ADRA1A: variants seen among roughly 807,000 people sequenced by gnomAD.
ADRA1A encodes alpha-1A adrenergic receptor.
A neutral mutation model predicts 29.6 loss-of-function variants in ADRA1A; 31 were observed. That is an observed-to-expected ratio of 1.05 (90% CI 0.79 to 1.41). The LOEUF (loss-of-function observed/expected upper bound fraction) is 1.41, where lower values mean the gene tolerates loss of function less well. ADRA1A is among the 40% of genes most tolerant of loss of function. The pLI is 0.00. For missense variants in ADRA1A, 619 were observed against 601.1 expected, an observed-to-expected ratio of 1.03 and a Z score of -0.31; for synonymous variants, 311 against 254.3, an observed-to-expected ratio of 1.22 and a Z score of -2.12.
downstream of ADRA1A, among the ~76,000 whole-genome samples, chr8:26,763,631 G>GA (rs1041181964): frequency 6.6e-6 from 1 of 151,810 alleles, no homozygotes; most frequent in Non-Finnish European, 1.5e-5. This position sits in a 1 kb window ranked among gnomAD's most constrained non-coding sequence, Gnocchi z 4.5. Context: ...AATGGCATAT[G>GA]AAAAAAATAT....
intron 2 of ADRA1A, among the ~76,000 whole-genome samples, chr8:26,816,500 G>C (rs906044200): frequency 6.6e-6 from 1 of 151,788 alleles, no homozygotes; most frequent in African/African-American, 2.4e-5. Flanking sequence ...GCTGGGAGAA[G>C]GGCAAAAACA....
At chr8:26,797,975 CAGT>C (rs1226468448) in intron 2 of ADRA1A, among the ~76,000 whole-genome samples, 1 of 151,140 alleles carries the variant, frequency 6.6e-6, no homozygotes, top group African/African-American at 2.4e-5. Flanking sequence ...TCTGCATCGA[CAGT>C]AAGTTAGTCT....
chr8:26,847,085 G>A (rs1331602928), intron 2 of ADRA1A, among the ~76,000 whole-genome samples: 3 of 152,166 alleles, frequency 2.0e-5, no homozygotes, highest in African/African-American at 7.2e-5. Flanking sequence ...GGGGGGAACA[G>A]GGAGGGATAG....
intron 2 of ADRA1A, among the ~76,000 whole-genome samples, chr8:26,795,330 A>G (rs775604466): frequency 3.3e-5 from 5 of 152,198 alleles, no homozygotes; most frequent in African/African-American, 4.8e-5. Context: ...CGCTGCAAGG[A>G]TTAATAATGA....
At chr8:26,786,239 AAT>A (rs1491454865) in intron 2 of ADRA1A, among the ~76,000 whole-genome samples, 3 of 112,268 alleles carry the variant, frequency 2.7e-5, no homozygotes, top group African/African-American at 1.6e-4. Context: ...TTTATTTTTA[AAT>A]TTTTTTTTTT....
At chr8:26,812,633 AT>A (rs869174171) in intron 2 of ADRA1A, among the ~76,000 whole-genome samples, 2 of 32,992 alleles carry the variant, frequency 6.1e-5, no homozygotes, top group East Asian at 9.2e-4. Context: ...TTTTATTTTT[AT>A]TTATTTATTT....
At chr8:26,749,052 G>T (rs566798002) in intron 2 of ADRA1A, among the ~76,000 whole-genome samples, 2 of 152,298 alleles carry the variant, frequency 1.3e-5, no homozygotes, top group East Asian at 3.9e-4. Context: ...CACATAAATT[G>T]ACTCTGAAGG....
At chr8:26,832,323 T>C (rs1455321818) in intron 2 of ADRA1A, among the ~76,000 whole-genome samples, 1 of 151,854 alleles carries the variant, frequency 6.6e-6, no homozygotes, top group Non-Finnish European at 1.5e-5. Flanking sequence ...AAACCAGAAA[T>C]CCCCCTCTTA....
intron 2 of ADRA1A, among the ~76,000 whole-genome samples, chr8:26,833,338 T>C (rs1465452997): frequency 6.6e-6 from 1 of 152,176 alleles, no homozygotes; most frequent in Non-Finnish European, 1.5e-5. Flanking sequence ...CTGCCTTCTA[T>C]TTTTGAATGG....
intron 2 of ADRA1A, among the ~76,000 whole-genome samples, chr8:26,857,019 T>C (rs1179142844): frequency 6.6e-6 from 1 of 152,188 alleles, no homozygotes; most frequent in African/African-American, 2.4e-5. Flanking sequence ...TGCTCTCCCA[T>C]CAAGAGATGA....
intron 2 of ADRA1A, among the ~76,000 whole-genome samples, chr8:26,807,470 T>C (rs967375688): frequency 7.9e-5 from 12 of 152,170 alleles, no homozygotes; most frequent in Non-Finnish European, 1.3e-4. Flanking sequence ...TTATTTGGAG[T>C]AAATGTCATC....
intron 2 of ADRA1A, among the ~76,000 whole-genome samples, chr8:26,846,606 T>C (rs1808110154): frequency 6.6e-6 from 1 of 152,052 alleles, no homozygotes; most frequent in Non-Finnish European, 1.5e-5. Context: ...CTGTCTCTAC[T>C]AAAAACATAC....
At chr8:26,826,571 G>T (rs1157034006) in intron 2 of ADRA1A, among the ~76,000 whole-genome samples, 5 of 152,144 alleles carry the variant, frequency 3.3e-5, no homozygotes, top group Non-Finnish European at 5.9e-5. Flanking sequence ...TTTCCATGAG[G>T]CCTTAAAACT....
intron 2 of ADRA1A, among the ~76,000 whole-genome samples, chr8:26,845,257 C>T (rs1812115341): frequency 6.6e-6 from 1 of 151,892 alleles, no homozygotes; most frequent in South Asian, 2.1e-4. Context: ...GACAAATAAC[C>T]CAATTAAAAA....
intron 2 of ADRA1A, chr8:26,756,899 C>A: frequency 7.0e-7 from 1 of 1,435,498 alleles, no homozygotes. Context: ...TACTCCAAAC[C>A]CAATGTGTCC....
intron 2 of ADRA1A, among the ~76,000 whole-genome samples, chr8:26,861,229 C>T (rs1258987820): frequency 1.3e-5 from 2 of 151,966 alleles, no homozygotes; most frequent in Admixed American, 1.3e-4. Flanking sequence ...TTTTTCTTCT[C>T]CCTGGCTACT....
At chr8:26,762,612 A>C (rs1256220966), downstream of ADRA1A, among the ~76,000 whole-genome samples, 1 of 152,150 alleles carries the variant, frequency 6.6e-6, no homozygotes, top group Non-Finnish European at 1.5e-5. This position sits in a 1 kb window ranked among gnomAD's most constrained non-coding sequence, Gnocchi z 4.0. Flanking sequence ...TCAAGAAAGG[A>C]GATGGGAAAG....
At chr8:26,786,409 T>C (rs1391809013) in intron 2 of ADRA1A, among the ~76,000 whole-genome samples, 1 of 151,896 alleles carries the variant, frequency 6.6e-6, no homozygotes, top group Non-Finnish European at 1.5e-5. Flanking sequence ...TTAATTTTTG[T>C]ATTTTTAGTA....
chr8:26,814,197 A>C (rs1168923457), intron 2 of ADRA1A, among the ~76,000 whole-genome samples: 1 of 152,088 alleles, frequency 6.6e-6, no homozygotes, highest in Non-Finnish European at 1.5e-5. Context: ...ATGGTGAAAA[A>C]AAAAAACATA....
Sources: allele counts gnomAD v4.1 joint callset (sites outside exome capture counted in the v4.1 genomes callset), GRCh38; gene constraint gnomAD v4.1.1; non-coding constraint Gnocchi (gnomAD v3.1); transcripts MANE v1.5; gene names NCBI Gene and HGNC (gene_info 2026-07-23, HGNC 2026-07-21).